Variants in CAMTA1 observed in about 807,000 individuals in gnomAD.
The protein encoded by CAMTA1 is calmodulin binding transcription activator 1.
CAMTA1 carries 27 observed loss-of-function variants against 170.9 expected under a neutral mutation model. That is an observed-to-expected ratio of 0.16 (90% CI 0.12 to 0.22). CAMTA1 has a LOEUF of 0.22. Among genes scored for constraint, CAMTA1 ranks in the 10% least tolerant of loss-of-function variants. The probability of loss-of-function intolerance (pLI) is 1.00; values close to 1 mark genes in which losing one functional copy is unlikely to be tolerated. For synonymous variants in CAMTA1, 833 were observed against 891.5 expected (o/e 0.93, Z 1.17); for missense variants, 1,619 against 2,217.2 (o/e 0.73, Z 5.42).
chr1:7,747,711 G>A lies in CAMTA1; in HGVS notation c.4619G>A (p.Gly1540Asp), dbSNP rs775695332. The A allele has an allele frequency of 7.5e-6, 12 of 1,605,430 alleles. No individual in the cohort carries two copies. In the South Asian group the frequency reaches 1.3e-4, roughly 18 times the overall value. ...LVQTAFRKYK[G>D]RPLREQQEVA... The stretch of plus-strand genomic sequence containing the variant: ...TTTTCTCCTTACTTTACCCTTAAGG[G>A]CCGACCCTTGCGGGAACAGCAAGAA... The change falls in exon 19 of 23, where the codon GGC (glycine) becomes GAC (aspartate). Residue 1540 changes from glycine to aspartate, a missense_variant and splice_region_variant. This residue lies in a region of CAMTA1 where 128 missense variants were observed against 213.5 expected (regional missense o/e 0.60). Coordinates refer to ENST00000303635, the MANE Select transcript of CAMTA1 (RefSeq NM_015215.4).
chr1:7,672,730 C>T (rs1482924132), intron 10 of CAMTA1, among the ~76,000 whole-genome samples: 1 of 152,090 alleles, frequency 6.6e-6, no homozygotes, highest in African/African-American at 2.4e-5. Flanking sequence ...CTCTCTCAGG[C>T]TCTTCTTGCA....
rs61211407 is a variant in CAMTA1 at position 7,127,247 on chromosome 1, C to CTTTTT, written c.302+35895_302+35899dup. ...AGGGGTGAAGGGAAGGCCAGAGGGG[C>CTTTTT]TTTTTTTTTTTTTTTTTTTTTTTGC... On this transcript the variant is annotated intron_variant, in intron 4 of 22. Transcript: ENST00000303635. Among the ~76,000 whole-genome samples the CTTTTT allele has an allele frequency of 6.1e-3, 446 of 73,354 alleles. 2 individuals carry two copies. The highest frequency in any genetic ancestry group is 0.016 in the Middle Eastern group (1 of 62). The allele number at this position is 73,354 out of a possible 152,430, so 48.1% of individuals were successfully genotyped here.
chr1:7,093,210 C>T lies in CAMTA1; in HGVS notation c.302+1839C>T, dbSNP rs1641687417. 6.6e-6 allele frequency among the ~76,000 whole-genome samples: 1 copy of T among 152,166 alleles called. No homozygotes were observed. On this transcript the variant is annotated intron_variant, in intron 4 of 22. Transcript: ENST00000303635. This position sits in a 1 kb window ranked among gnomAD's most constrained non-coding sequence, Gnocchi z 4.6. ...GGCTCATTAAAATGCGGGCCCCACC[C>T]TAGGGTTTCTGATTCAGCAGGTGCG...
chr1:7,308,577 C>G (rs1277309007), intron 5 of CAMTA1, among the ~76,000 whole-genome samples: 1 of 151,964 alleles, frequency 6.6e-6, no homozygotes, highest in Non-Finnish European at 1.5e-5. Flanking sequence ...AAAATATTTT[C>G]TAATTTTTTT....
At chr1:7,335,973 G>A (rs557812117) in intron 5 of CAMTA1, among the ~76,000 whole-genome samples, 134 of 152,262 alleles carry the variant, frequency 8.8e-4, no homozygotes, top group Admixed American at 1.4e-3. Context: ...CCGGCTCATC[G>A]ACTCTGGAAA....
chr1:7,658,325 C>T (rs1013513041), intron 7 of CAMTA1, among the ~76,000 whole-genome samples: 1 of 152,134 alleles, frequency 6.6e-6, no homozygotes, highest in East Asian at 1.9e-4. Flanking sequence ...GACAGAGCTG[C>T]GTGTTCTCCC....
chr1:6,929,776 C>T lies in CAMTA1; in HGVS notation c.234+104566C>T, dbSNP rs796099016. On this transcript the variant is annotated intron_variant, in intron 3 of 22. Coordinates refer to ENST00000303635, the MANE Select transcript of CAMTA1 (RefSeq NM_015215.4). ...CCTCCCAAAGTGTTGGGATTACCGG[C>T]GTGAGCCACTGTGCCCGGCCCTTAA... is the stretch of plus-strand genomic sequence containing the variant. Among the ~76,000 whole-genome samples, 172 of 152,346 alleles carry T rather than the reference C, an allele frequency of 1.1e-3. 1 individual carries two copies. Among genetic ancestry groups the T allele is most frequent in the African/African-American group, 3.7e-3 (152 of 41,584 alleles).
intron 6 of CAMTA1, among the ~76,000 whole-genome samples, chr1:7,600,281 G>A (rs1163195476): frequency 6.6e-6 from 1 of 151,554 alleles, no homozygotes; most frequent in African/African-American, 2.4e-5. Context: ...TTGCATCCCA[G>A]GGATGAAGCC....
chr1:7,030,352 C>G (rs1351732060), intron 3 of CAMTA1, among the ~76,000 whole-genome samples: 1 of 152,094 alleles, frequency 6.6e-6, no homozygotes, highest in East Asian at 1.9e-4. Flanking sequence ...TATTGGTTCC[C>G]TGAGTTATGC....
chr1:6,868,240 C>T (rs1057261310), intron 3 of CAMTA1, among the ~76,000 whole-genome samples: 1 of 149,276 alleles, frequency 6.7e-6, no homozygotes, highest in South Asian at 2.2e-4. Flanking sequence ...ACCTGGGAGG[C>T]GGAGGCAGCA....
At chr1:7,741,543 C>G (rs1456242180) in intron 16 of CAMTA1, among the ~76,000 whole-genome samples, 1 of 150,136 alleles carries the variant, frequency 6.7e-6, no homozygotes, top group Non-Finnish European at 1.5e-5. Flanking sequence ...GCCTGGGCGA[C>G]AGAGCGAGAC....
At chr1:6,955,181 G>A (rs1310414451) in intron 3 of CAMTA1, among the ~76,000 whole-genome samples, 1 of 151,962 alleles carries the variant, frequency 6.6e-6, no homozygotes, top group East Asian at 1.9e-4. Flanking sequence ...GGGGTTGGGG[G>A]AGCAGGGACA....
At chr1:6,850,812 G>A (rs1219197320) in intron 3 of CAMTA1, among the ~76,000 whole-genome samples, 2 of 152,150 alleles carry the variant, frequency 1.3e-5, no homozygotes, top group African/African-American at 4.8e-5. Flanking sequence ...GACAAAAATT[G>A]GAGTTTGGCT....
intron 5 of CAMTA1, among the ~76,000 whole-genome samples, chr1:7,458,939 G>A (rs1434211325): frequency 6.6e-6 from 1 of 152,230 alleles, no homozygotes; most frequent in African/African-American, 2.4e-5. Context: ...AACAAGTTCT[G>A]AGGCGCCATG....
At chr1:7,292,518 T>C (rs934294553) in intron 5 of CAMTA1, among the ~76,000 whole-genome samples, 1 of 152,152 alleles carries the variant, frequency 6.6e-6, no homozygotes. Flanking sequence ...GACTTAATTA[T>C]TTCTCGAAAG....
At chr1:6,832,512 T>C (rs1650751505) in intron 3 of CAMTA1, among the ~76,000 whole-genome samples, 1 of 152,216 alleles carries the variant, frequency 6.6e-6, no homozygotes, top group South Asian at 2.1e-4. Flanking sequence ...CAGTGATTGG[T>C]TTTTCTAGTG....
At chr1:7,252,615 C>T (rs905961597) in intron 5 of CAMTA1, among the ~76,000 whole-genome samples, 5 of 152,174 alleles carry the variant, frequency 3.3e-5, no homozygotes, top group African/African-American at 7.2e-5. Flanking sequence ...TTGGACTCTG[C>T]GTCCGTCTTT....
intron 6 of CAMTA1, among the ~76,000 whole-genome samples, chr1:7,559,161 G>A (rs759593332): frequency 6.6e-6 from 1 of 152,162 alleles, no homozygotes; most frequent in Non-Finnish European, 1.5e-5. Context: ...CCGGCTGTAG[G>A]CATTGCCGCC....
intron 3 of CAMTA1, among the ~76,000 whole-genome samples, chr1:7,033,481 A>G (rs1703086147): frequency 6.6e-6 from 1 of 151,378 alleles, no homozygotes; most frequent in Admixed American, 6.6e-5. Context: ...CTTATTATGA[A>G]TCATATTTTC....
Sources: allele counts gnomAD v4.1 joint callset (sites outside exome capture counted in the v4.1 genomes callset), GRCh38; gene constraint gnomAD v4.1.1; regional missense constraint gnomAD v4.1.1; non-coding constraint Gnocchi (gnomAD v3.1); transcripts MANE v1.5; gene names NCBI Gene and HGNC (gene_info 2026-07-23, HGNC 2026-07-21).